Variants in NPC1 observed in about 807,000 individuals in gnomAD.
NPC1 encodes the protein Niemann-Pick C1 protein.
Under a neutral mutation model 140.4 loss-of-function variants are expected in NPC1, and 85 were observed. The ratio of observed to expected loss-of-function variants is 0.61; its 90% CI spans 0.51 to 0.72. NPC1 has a LOEUF of 0.72. Among genes scored for constraint, NPC1 ranks in the 30% least tolerant of loss-of-function variants. The pLI is 0.00. For missense variants in NPC1, 1,504 were observed against 1,623.8 expected (o/e 0.93, Z 1.27); for synonymous variants, 656 against 624.8 (o/e 1.05, Z -0.74).
rs1211646142 is a variant in NPC1 at position 23,586,502 on chromosome 18, G to A, written c.-159C>T. The A allele has an allele frequency of 5.0e-6, 7 of 1,410,730 alleles. No homozygotes were observed. The highest frequency in any genetic ancestry group is 1.5e-5 in the South Asian group (1 of 64,798). The allele number at this position is 1,410,730 out of a possible 1,614,324, so 87.4% of individuals were successfully genotyped here. ...GGCAGCAGGCTGCGCGCGCCGGTCA[G>A]GAAGGAAGAAGGCGTCGTCGGCTCC... On this transcript the variant is annotated 5_prime_UTR_variant, in exon 1 of 25. Transcript: ENST00000269228.
intron 3 of NPC1, among the ~76,000 whole-genome samples, chr18:23,507,696 A>G (rs2057750213): frequency 6.6e-6 from 1 of 152,190 alleles, no homozygotes; most frequent in Non-Finnish European, 1.5e-5. Context: ...GTGCAGCAAC[A>G]CATTTCTCTG....
chr18:23,531,154 C>G (rs2058490452), downstream of NPC1, among the ~76,000 whole-genome samples: 1 of 152,070 alleles, frequency 6.6e-6, no homozygotes, highest in Non-Finnish European at 1.5e-5. Context: ...CCACACCCGG[C>G]TGATTTTTGT....
At chr18:23,573,388 A>G in intron 2 of NPC1, 64 bp downstream of exon 2, 5 of 1,607,990 alleles carry the variant, frequency 3.1e-6, no homozygotes, top group Non-Finnish European at 4.3e-6. Context: ...ACATTTAAGG[A>G]ATAATTACAG....
At chr18:23,548,135 A>C (rs549148931) in intron 10 of NPC1, 27 bp from the exon 11 acceptor site, 12 of 1,372,122 alleles carry the variant, frequency 8.7e-6, no homozygotes, top group Non-Finnish European at 1.1e-5. Flanking sequence ...TGACATCAAA[A>C]AGCAGATTAC....
downstream of NPC1, among the ~76,000 whole-genome samples, chr18:23,524,704 C>T (rs2058242230): frequency 6.6e-6 from 1 of 151,892 alleles, no homozygotes. Flanking sequence ...ACTAAGAATG[C>T]CATTCTCCTG....
At chr18:23,522,218 G>C (rs911057763), downstream of NPC1, 2 of 152,196 alleles carry the variant, frequency 1.3e-5, no homozygotes, top group East Asian at 1.9e-4. Context: ...AGGTCTTTTG[G>C]CTTTCTGTGT....
chr18:23,532,224 C>T lies in NPC1; in HGVS notation c.3815G>A (p.Arg1272His), dbSNP rs563385810. Residue 1272 changes from arginine to histidine, a missense_variant, in exon 25 of 25, where the codon CGC (arginine) becomes CAC (histidine). Physicochemically the swap from Arg to His is conservative, Grantham distance 29. Transcript: ENST00000269228. Reference protein sequence around the residue: ...ATEERYKGTERERLLNF With the variant: ...ATEERYKGTEHERLLNF ...GGGCTAGAAATTTAGAAGCCGTTCGCGCTCTGTTCCTTTGTATCGCTCTTC... is the reference window on the plus strand; with the variant it reads ...GGGCTAGAAATTTAGAAGCCGTTCGTGCTCTGTTCCTTTGTATCGCTCTTC... 48 of 1,614,146 alleles carry T rather than the reference C, an allele frequency of 3.0e-5. No individual in the cohort carries two copies. The highest frequency in any genetic ancestry group is 2.0e-4 in the African/African-American group (15 of 75,032).
intron 1 of NPC1, 29 bp downstream of exon 1, chr18:23,586,258 G>A (rs1398198706): frequency 6.5e-7 from 1 of 1,531,082 alleles, no homozygotes; most frequent in Non-Finnish European, 8.7e-7. Flanking sequence ...CGTCCCCACA[G>A]GGCGTCCCGG....
In NPC1 at chr18:23,516,110, G is replaced by A. The variant is rs191607293; in HGVS notation, c.432-9468C>T. 5,491 of 1,492,926 alleles carry A rather than the reference G, an allele frequency of 3.7e-3. 19 individuals are homozygous for A. Among genetic ancestry groups the A allele is most frequent in the Non-Finnish European group, 4.6e-3 (5,063 of 1,089,384 alleles). 92.5% of individuals were successfully genotyped at this position (1,492,926 alleles called of 1,614,324 possible). On this transcript the variant is annotated intron_variant, in intron 3 of 3. Transcript: ENST00000591107. ...AGGTTCCTCTAGCCGTAACGTCACC[G>A]CTCTGACCACTAGAGGGCACTCTGT...
intron 21 of NPC1, 25 bp downstream of exon 21, chr18:23,536,648 C>A: frequency 6.2e-7 from 1 of 1,602,738 alleles, no homozygotes; most frequent in South Asian, 1.1e-5. Context: ...CTGGGTAAAC[C>A]CCATTGAAAA....
At chr18:23,526,454 C>T (rs2058300547), downstream of NPC1, among the ~76,000 whole-genome samples, 1 of 152,126 alleles carries the variant, frequency 6.6e-6, no homozygotes, top group Admixed American at 6.6e-5. Context: ...GGTAGACACG[C>T]TCCTGAATTG....
downstream of NPC1, among the ~76,000 whole-genome samples, chr18:23,520,663 C>G (rs747065092): frequency 6.6e-6 from 1 of 151,310 alleles, no homozygotes; most frequent in Non-Finnish European, 1.5e-5. Context: ...TTTGACAGAG[C>G]CTCACTTTGT....
chr18:23,543,413 C>T (rs775906459), intron 14 of NPC1, 42 bp downstream of exon 14: 1 of 1,120,094 alleles, frequency 8.9e-7, no homozygotes, highest in African/African-American at 1.5e-5. Flanking sequence ...TTTCTCCAGG[C>T]TCAGCAGACT....
rs1442442521 is a variant in NPC1 at position 23,543,922 on chromosome 18, G to A, written c.2131-353C>T. ...GACTGAGACCACCTTCTACAGCAGCGGGACACGTGTTGACCTTTTGCCTTT... is the reference window on the plus strand; with the variant it reads ...GACTGAGACCACCTTCTACAGCAGCAGGACACGTGTTGACCTTTTGCCTTT... On this transcript the variant is annotated intron_variant, in intron 13 of 24. Transcript: ENST00000269228. 4.6e-5 allele frequency among the ~76,000 whole-genome samples: 7 copies of A among 152,216 alleles called. No homozygotes were observed. The South Asian group carries it at 1.5e-3, about 32-fold the overall frequency.
chr18:23,548,152 G>T, intron 10 of NPC1, 44 bp from the exon 11 acceptor site: 1 of 1,177,928 alleles, frequency 8.5e-7, no homozygotes, highest in African/African-American at 1.5e-5. Context: ...TTACAAGCAT[G>T]CAGAAAATTA....
chr18:23,569,725 T>C (rs1004024615), intron 3 of NPC1, among the ~76,000 whole-genome samples: 1 of 152,150 alleles, frequency 6.6e-6, no homozygotes, highest in Admixed American at 6.5e-5. Flanking sequence ...CACTAGGCCC[T>C]CCTGAAACAC....
intron 1 of NPC1, 119 bp downstream of exon 1, chr18:23,586,168 C>A: frequency 9.2e-7 from 1 of 1,081,706 alleles, no homozygotes; most frequent in Non-Finnish European, 1.3e-6. Context: ...CCGAGCTCTC[C>A]ATCGCCAGAC....
At chr18:23,572,764 T>A (rs771371622) in intron 2 of NPC1, among the ~76,000 whole-genome samples, 4 of 152,018 alleles carry the variant, frequency 2.6e-5, no homozygotes, top group Admixed American at 6.6e-5. Flanking sequence ...GCTCAGGAGG[T>A]CGAGGACACA....
chr18:23,536,950 T>A (rs1156713087), intron 20 of NPC1, 74 bp from the exon 21 acceptor site: 2 of 1,246,512 alleles, frequency 1.6e-6, no homozygotes, highest in Non-Finnish European at 2.3e-6. Context: ...CACTTGAGGC[T>A]AAGCAAAATC....
Sources: allele counts gnomAD v4.1 joint callset (sites outside exome capture counted in the v4.1 genomes callset), GRCh38; gene constraint gnomAD v4.1.1; transcripts MANE v1.5; gene names NCBI Gene and HGNC (gene_info 2026-07-23, HGNC 2026-07-21).